The following GRM7 variants were observed in gnomAD, a reference collection of about 807,000 sequenced individuals.
GRM7 encodes metabotropic glutamate receptor 7.
GRM7 carries 35 observed loss-of-function variants against 84.5 expected under a neutral mutation model. The ratio of observed to expected loss-of-function variants is 0.41; its 90% CI spans 0.32 to 0.55. GRM7 has a LOEUF of 0.55. Ranked by LOEUF, GRM7 falls within the 20% of genes least tolerant of loss-of-function variation. The pLI, the probability that GRM7 is intolerant of heterozygous loss-of-function variation, is 0.19. For missense variants in GRM7, 1,003 were observed against 1,194.6 expected, an observed-to-expected ratio of 0.84 and a Z score of 2.36; for synonymous variants, 487 against 455.1, an observed-to-expected ratio of 1.07 and a Z score of -0.89.
intron 9 of GRM7, among the ~76,000 whole-genome samples, chr3:7,696,685 A>G (rs913216936): frequency 6.6e-5 from 10 of 151,994 alleles, no homozygotes; most frequent in Admixed American, 6.6e-5. Context: ...GACGTGTCTT[A>G]TTTTTTTCTG....
intron 7 of GRM7, 102 bp from the exon 8 acceptor site, chr3:7,578,320 G>A (rs1391267436): frequency 5.6e-6 from 4 of 719,310 alleles, no homozygotes; most frequent in Non-Finnish European, 9.4e-6. Flanking sequence ...TCAACCTCAT[G>A]CCTCATATGT....
intron 1 of GRM7, among the ~76,000 whole-genome samples, chr3:6,944,018 T>C (rs1050368942): frequency 3.9e-5 from 6 of 152,150 alleles, no homozygotes; most frequent in African/African-American, 1.4e-4. Context: ...TGGTTTTGTA[T>C]ACTGACCTTT....
Position 7,395,771 on chromosome 3 carries a change from C to T in GRM7, c.1034-19252C>T, listed in dbSNP as rs1254336445. Among the ~76,000 whole-genome samples the T allele has an allele frequency of 3.3e-5, 5 of 152,154 alleles. No homozygotes were observed. The East Asian group carries it at 7.7e-4, about 23-fold the overall frequency. On this transcript the variant is annotated intron_variant, in intron 4 of 9. Transcript: ENST00000357716. ...ATATGGAATTGTGAGTCAGTTAAACCTCTTTCCTTTATAAATTACCTAGTC... is the reference window on the plus strand; with the variant it reads ...ATATGGAATTGTGAGTCAGTTAAACTTCTTTCCTTTATAAATTACCTAGTC...
At chr3:7,268,464 A>G (rs1436393259) in intron 2 of GRM7, among the ~76,000 whole-genome samples, 1 of 152,162 alleles carries the variant, frequency 6.6e-6, no homozygotes. Flanking sequence ...TTAAAAAAAA[A>G]GGACACATTT....
At chr3:7,120,150 C>A (rs190916051) in intron 1 of GRM7, among the ~76,000 whole-genome samples, 1 of 152,002 alleles carries the variant, frequency 6.6e-6, no homozygotes, top group African/African-American at 2.4e-5. Context: ...GGAGGTAATC[C>A]TGAGTATTAC....
chr3:7,099,539 G>A lies in GRM7; in HGVS notation c.520-46913G>A, dbSNP rs369195447. ...ATGTATATGTACACGCATTATACAT[G>A]TACACATATATGTATATGTACACGC... is the stretch of plus-strand genomic sequence containing the variant. On this transcript the variant is annotated intron_variant, in intron 1 of 9. Coordinates refer to ENST00000357716, the MANE Select transcript of GRM7 (RefSeq NM_000844.4). Among the ~76,000 whole-genome samples, 5 of 144,522 alleles carry A rather than the reference G, an allele frequency of 3.5e-5. No homozygotes were observed. The East Asian group carries it at 8.1e-4, about 23-fold the overall frequency. The allele number at this position is 144,522 out of a possible 152,430, so 94.8% of individuals were successfully genotyped here. A position where few individuals can be genotyped will look rare whatever the true frequency, so the allele number is the denominator to read the frequency against.
At chr3:7,737,556 CTTATT>C (rs1473134815) in intron 9 of GRM7, among the ~76,000 whole-genome samples, 1 of 152,128 alleles carries the variant, frequency 6.6e-6, no homozygotes, top group Non-Finnish European at 1.5e-5. Flanking sequence ...ACCACAGGCA[CTTATT>C]TTATTTACTC....
At chr3:7,722,806 T>G (rs559419297) in intron 9 of GRM7, among the ~76,000 whole-genome samples, 1 of 152,142 alleles carries the variant, frequency 6.6e-6, no homozygotes, top group South Asian at 2.1e-4. Flanking sequence ...ACTCCTGAAT[T>G]AGAGACAGGG....
chr3:7,282,432 A>G (rs191613788), intron 2 of GRM7, among the ~76,000 whole-genome samples: 30 of 152,322 alleles, frequency 2.0e-4, no homozygotes, highest in East Asian at 1.4e-3. Flanking sequence ...GCAGTGCAGC[A>G]TCTTCAAATC....
chr3:7,281,960 G>A (rs574853548), intron 2 of GRM7, among the ~76,000 whole-genome samples: 1 of 152,160 alleles, frequency 6.6e-6, no homozygotes, highest in Non-Finnish European at 1.5e-5. Flanking sequence ...GCGTGAGGCT[G>A]TAGTCCCAGC....
chr3:7,673,517 TAAA>T (rs35955518), intron 8 of GRM7, among the ~76,000 whole-genome samples: 1 of 141,520 alleles, frequency 7.1e-6, no homozygotes, highest in Admixed American at 7.0e-5. Flanking sequence ...CAGTGACAGT[TAAA>T]AAAAAAAAAA....
intron 1 of GRM7, among the ~76,000 whole-genome samples, chr3:6,973,973 G>C (rs1044121124): frequency 6.6e-6 from 1 of 152,190 alleles, no homozygotes; most frequent in Non-Finnish European, 1.5e-5. Context: ...ACTGAACAGA[G>C]AGACCAGTTA....
At chr3:7,271,046 C>T (rs769417817) in intron 2 of GRM7, among the ~76,000 whole-genome samples, 3 of 151,952 alleles carry the variant, frequency 2.0e-5, no homozygotes, top group African/African-American at 2.4e-5. Context: ...ACTTCTAAGA[C>T]GACACATAAT....
At chr3:7,002,517 C>T (rs1176065687) in intron 1 of GRM7, among the ~76,000 whole-genome samples, 2 of 152,152 alleles carry the variant, frequency 1.3e-5, no homozygotes, top group Admixed American at 6.6e-5. Flanking sequence ...TATTGAACAC[C>T]TGCTGTATCC....
At chr3:6,942,143 C>CTT (rs139162438) in intron 1 of GRM7, among the ~76,000 whole-genome samples, 10 of 148,970 alleles carry the variant, frequency 6.7e-5, no homozygotes, top group Non-Finnish European at 9.0e-5. Flanking sequence ...ATTTTCAGCT[C>CTT]TTTTTTTTTT....
In GRM7 at chr3:7,247,602, T is replaced by A. The variant is rs867565891; in HGVS notation, c.737-51082T>A. ...GAATGAGACACTCTCTCTTTTTTTT[T>A]AAAAAAAAAAAAAAAAAAGAAGAAG... On this transcript the variant is annotated intron_variant, in intron 2 of 9. Transcript: ENST00000357716. Among the ~76,000 whole-genome samples the A allele has an allele frequency of 8.6e-3, 887 of 102,552 alleles. 1 individual carries two copies. Among genetic ancestry groups the A allele is most frequent in the East Asian group, 0.018 (68 of 3,696 alleles). 67.3% of individuals were successfully genotyped at this position (102,552 alleles called of 152,430 possible). A position where few individuals can be genotyped will look rare whatever the true frequency, so the allele number is the denominator to read the frequency against.
At chr3:7,122,686 T>C (rs1693265011) in intron 1 of GRM7, among the ~76,000 whole-genome samples, 1 of 152,226 alleles carries the variant, frequency 6.6e-6, no homozygotes, top group Non-Finnish European at 1.5e-5. Flanking sequence ...TAGCAAAAGA[T>C]ATTTCAGTGC....
At chr3:7,528,348 T>G (rs1354909325) in intron 7 of GRM7, among the ~76,000 whole-genome samples, 3 of 152,088 alleles carry the variant, frequency 2.0e-5, no homozygotes, top group African/African-American at 7.2e-5. Flanking sequence ...TCTTTTGTAT[T>G]TCTGTGGAAT....
intron 9 of GRM7, among the ~76,000 whole-genome samples, chr3:7,706,611 A>G (rs932566166): frequency 3.3e-5 from 5 of 152,196 alleles, no homozygotes; most frequent in Non-Finnish European, 7.3e-5. Context: ...CGAAGTGTCA[A>G]ATGTGGAGTC....
Sources: gnomAD v4.1 joint callset for allele counts (sites outside exome capture counted in the v4.1 genomes callset) on GRCh38, gnomAD v4.1.1 for gene constraint, MANE v1.5 for transcripts, NCBI Gene and HGNC (gene_info 2026-07-23, HGNC 2026-07-21) for gene names.